The following CECR2 variants were observed in gnomAD, a reference collection of about 807,000 sequenced individuals.
CECR2 encodes the protein chromatin remodeling regulator CECR2.
A neutral mutation model predicts 154.5 loss-of-function variants in CECR2; 30 were observed. That is an observed-to-expected ratio of 0.19 (90% CI 0.15 to 0.26). CECR2 has a LOEUF of 0.26. CECR2 is among the 10% of genes least tolerant of loss of function. CECR2 has a pLI of 1.00. For synonymous variants in CECR2, 725 were observed against 683.7 expected (o/e 1.06, Z -0.94); for missense variants, 1,743 against 1,829.3 (o/e 0.95, Z 0.86).
chr22:17,513,447 A>G (rs2055996402), intron 8 of CECR2, among the ~76,000 whole-genome samples: 1 of 152,230 alleles, frequency 6.6e-6, no homozygotes, highest in South Asian at 2.1e-4. Flanking sequence ...TATTACAGAG[A>G]TCTTGTCAGT....
chr22:17,391,193 C>A (rs2063322107), intron 1 of CECR2, among the ~76,000 whole-genome samples: 1 of 152,310 alleles, frequency 6.6e-6, no homozygotes, highest in Non-Finnish European at 1.5e-5. Flanking sequence ...TCTGTAATAA[C>A]ATCCAGTAAA....
intron 8 of CECR2, among the ~76,000 whole-genome samples, chr22:17,521,443 C>G (rs527439952): frequency 1.3e-5 from 2 of 151,202 alleles, no homozygotes; most frequent in Non-Finnish European, 2.9e-5. Context: ...AGGAGGCTGA[C>G]GCAGGAGAAT....
At chr22:17,523,117 A>G (rs561383620) in intron 8 of CECR2, among the ~76,000 whole-genome samples, 282 of 151,654 alleles carry the variant, frequency 1.9e-3, no homozygotes, top group Non-Finnish European at 2.9e-3. Flanking sequence ...GATAGGGTCT[A>G]TCTCCCAGGT....
intron 9 of CECR2, among the ~76,000 whole-genome samples, chr22:17,525,735 TA>T (rs2056253906): frequency 6.6e-6 from 1 of 152,240 alleles, no homozygotes; most frequent in Admixed American, 6.5e-5. Context: ...CCTCAGGACA[TA>T]ATAACTGGCT....
At chr22:17,546,828 C>T (rs546938356) in intron 16 of CECR2, among the ~76,000 whole-genome samples, 5 of 151,894 alleles carry the variant, frequency 3.3e-5, no homozygotes, top group African/African-American at 9.7e-5. Flanking sequence ...CACCTGAGGT[C>T]GGGAGTTTGA....
intron 2 of CECR2, among the ~76,000 whole-genome samples, chr22:17,490,147 T>TGTGTG (rs1555917191): frequency 0.11 from 16,178 of 149,686 alleles, 940 homozygotes; most frequent in Non-Finnish European, 0.14. Context: ...TGTTTTTTTT[T>TGTGTG]TGTGTGTGTG....
At position 17,433,199 on chromosome 22, in the gene CECR2, G is replaced by A. The variant is rs115013984; in HGVS notation, c.127-44389G>A. Among the ~76,000 whole-genome samples the A allele has an allele frequency of 6.0e-3, 908 of 152,198 alleles. 7 individuals carry two copies. The highest frequency in any genetic ancestry group is 0.019 in the African/African-American group (805 of 41,516). On this transcript the variant is annotated intron_variant, in intron 1 of 18. Coordinates refer to ENST00000262608, the MANE Select transcript of CECR2 (RefSeq NM_001290047.2). ...AGTATGTGTGTGAAGGCCTCATATTGCTGTATTTAAAAAATCTTTAGAAAC... is the reference window on the plus strand; with the variant it reads ...AGTATGTGTGTGAAGGCCTCATATTACTGTATTTAAAAAATCTTTAGAAAC...
intron 9 of CECR2, among the ~76,000 whole-genome samples, chr22:17,531,250 C>T (rs2401126): frequency 0.22 from 33,111 of 151,926 alleles, 3,814 homozygotes; most frequent in African/African-American, 0.28. Context: ...ACGGAGGAAT[C>T]GGGATTGTCA....
At chr22:17,441,230 G>A (rs1456633090) in intron 1 of CECR2, among the ~76,000 whole-genome samples, 2 of 152,156 alleles carry the variant, frequency 1.3e-5, no homozygotes, top group Non-Finnish European at 1.5e-5. Flanking sequence ...GATTACAGGC[G>A]TGAGCCACCA....
Position 17,427,087 on chromosome 22 carries a change from A to G in CECR2, c.127-50501A>G, listed in dbSNP as rs538585020. ...CAAGTGTTCTCATTGTTCAATTCCA[A>G]CCTAAGAGTGAGAATATGCAGTGTT... On this transcript the variant is annotated intron_variant, in intron 1 of 18. Transcript: ENST00000262608. 1.3e-4 allele frequency among the ~76,000 whole-genome samples: 19 copies of G among 151,730 alleles called. No individual in the cohort carries two copies. In the South Asian group the frequency reaches 4.0e-3, roughly 32 times the overall value.
intron 1 of CECR2, among the ~76,000 whole-genome samples, chr22:17,445,543 TTTATTATTATTATTATTATTATTATTA>T (rs3994823): frequency 2.0e-4 from 28 of 141,462 alleles, no homozygotes; most frequent in African/African-American, 6.6e-4. Flanking sequence ...TGCTCTATAC[TTTATTATTATTATTATTATTATTATTA>T]TTATTATTAT....
At chr22:17,430,203 C>CA (rs1055244673) in intron 1 of CECR2, among the ~76,000 whole-genome samples, 3 of 152,160 alleles carry the variant, frequency 2.0e-5, no homozygotes, top group Admixed American at 6.5e-5. Context: ...TTTCATAGGT[C>CA]AGGCCTCTTA....
Position 17,548,569 on chromosome 22 carries a change from G to A in CECR2, c.3282G>A (p.Thr1094=), listed in dbSNP as rs769952097. ...GRTLQETMPC[T]GQNAATPPST... is the part of the protein sequence containing the mutation. ...CGTTGCAGGAAACCATGCCATGCACGGGACAGAACGCAGCGACACCGCCCA... is the reference window on the plus strand; with the variant it reads ...CGTTGCAGGAAACCATGCCATGCACAGGACAGAACGCAGCGACACCGCCCA... The change falls in exon 17 of 19, where the codon ACG becomes ACA. Residue 1094 remains threonine, a synonymous_variant. Transcript: ENST00000262608. The A allele has an allele frequency of 1.5e-5, 25 of 1,613,658 alleles. No homozygotes were observed. The highest frequency in any genetic ancestry group is 9.3e-5 in the African/African-American group (7 of 75,030).
intron 8 of CECR2, among the ~76,000 whole-genome samples, chr22:17,515,130 A>G (rs1004949551): frequency 6.6e-6 from 1 of 152,196 alleles, no homozygotes; most frequent in African/African-American, 2.4e-5. Context: ...GAGAATTCAC[A>G]TCAGATGGGA....
chr22:17,417,449 G>A (rs2054172727), intron 1 of CECR2, among the ~76,000 whole-genome samples: 1 of 152,084 alleles, frequency 6.6e-6, no homozygotes, highest in South Asian at 2.1e-4. Flanking sequence ...TCCATATAAT[G>A]GAGTTTACTA....
At chr22:17,547,384 C>G (rs935225850) in intron 16 of CECR2, among the ~76,000 whole-genome samples, 1 of 151,978 alleles carries the variant, frequency 6.6e-6, no homozygotes, top group African/African-American at 2.4e-5. Context: ...TGCCGGCCAC[C>G]ACACCCAGCT....
intron 8 of CECR2, chr22:17,518,751 G>T: frequency 5.3e-6 from 2 of 374,164 alleles, no homozygotes; most frequent in South Asian, 2.4e-5. Flanking sequence ...TAACACCTCT[G>T]CCTTCACATT....
rs755330116 is a variant in CECR2, at chr22:17,537,106, G to C, written c.1112G>C (p.Arg371Pro). ...LEEKVKAVEDRAKRRKLREER... is the reference protein window; with the variant it reads ...LEEKVKAVEDPAKRRKLREER... ...TCAGCCTTTGTGTTCATTGTAGATCGAGCGAAGAGGAGAAAGCTCAGGGAA... is the reference window on the plus strand; with the variant it reads ...TCAGCCTTTGTGTTCATTGTAGATCCAGCGAAGAGGAGAAAGCTCAGGGAA... The change falls in exon 10 of 19, where the codon CGA becomes CCA. Residue 371 changes from arginine (R) to proline (P), a missense_variant. Transcript: ENST00000262608. 1 of 1,613,096 alleles carries C rather than the reference G, an allele frequency of 6.2e-7. No individual in the cohort carries two copies. Among genetic ancestry groups the C allele is most frequent in the Non-Finnish European group, 8.5e-7 (1 of 1,179,566 alleles).
chr22:17,434,202 G>A (rs745326138), intron 1 of CECR2, among the ~76,000 whole-genome samples: 24 of 152,150 alleles, frequency 1.6e-4, no homozygotes, highest in Admixed American at 1.1e-3. Flanking sequence ...TTAAAGCATG[G>A]TGTGACTATT....
Sources: gnomAD v4.1 joint callset for allele counts (sites outside exome capture counted in the v4.1 genomes callset) on GRCh38, gnomAD v4.1.1 for gene constraint, MANE v1.5 for transcripts, NCBI Gene and HGNC (gene_info 2026-07-23, HGNC 2026-07-21) for gene names.